Variants in FBXO8 observed in about 807,000 individuals in gnomAD.
FBXO8 encodes the protein F-box protein 8.
Under a neutral mutation model 33.4 loss-of-function variants are expected in FBXO8, and 15 were observed. The ratio of observed to expected loss-of-function variants is 0.45; its 90% CI spans 0.30 to 0.69. The LOEUF is 0.69. FBXO8 is among the 30% of genes least tolerant of loss of function. The pLI, the probability that FBXO8 is intolerant of heterozygous loss-of-function variation, is 0.08. For missense variants in FBXO8, 274 were observed against 380.3 expected (o/e 0.72, Z 2.32); for synonymous variants, 132 against 131.5 (o/e 1.00, Z -0.02).
intron 3 of FBXO8, among the ~76,000 whole-genome samples, chr4:174,248,217 G>C (rs1452824056): frequency 6.6e-6 from 1 of 151,902 alleles, no homozygotes; most frequent in Non-Finnish European, 1.5e-5. Flanking sequence ...CTGACCTTGA[G>C]CACATACATA....
chr4:174,275,904 A>G lies in FBXO8; in HGVS notation c.-9+7506T>C, dbSNP rs1430973233. 6.6e-6 allele frequency among the ~76,000 whole-genome samples: 1 copy of G among 152,218 alleles called. No homozygotes were observed. Among genetic ancestry groups the G allele is most frequent in the Non-Finnish European group, 1.5e-5 (1 of 68,020 alleles). ...CACTTACATAGGATATATAAACAACAGAGTAAGGTACAAATGCAAAAAGGA... is the reference window on the plus strand; with the variant it reads ...CACTTACATAGGATATATAAACAACGGAGTAAGGTACAAATGCAAAAAGGA... On this transcript the variant is annotated intron_variant, in intron 1 of 5. Coordinates refer to ENST00000393674, the MANE Select transcript of FBXO8 (RefSeq NM_012180.3). This position sits in a 1 kb window ranked among gnomAD's most constrained non-coding sequence, Gnocchi z 4.4.
In FBXO8 at chr4:174,283,538, T is replaced by A. The variant is rs1737199953; in HGVS notation, c.-137A>T. On this transcript the variant is annotated 5_prime_UTR_variant, in exon 1 of 6. In the 5' UTR this introduces an upstream ATG that the reference lacks. Coordinates refer to ENST00000393674, the MANE Select transcript of FBXO8 (RefSeq NM_012180.3). The surrounding 1 kb of genome is among the most constrained non-coding windows in gnomAD (Gnocchi z 6.7). ...ATGGAGAAGCTGATTCAAACTTTAC[T>A]TGTCCACACCGGTAGAGGTGACCGC... The A allele has an allele frequency of 1.5e-5, 3 of 199,526 alleles. No homozygotes were observed. Among genetic ancestry groups the A allele is most frequent in the African/African-American group, 2.3e-5 (1 of 43,428 alleles). 12.4% of individuals were successfully genotyped at this position (199,526 alleles called of 1,614,324 possible).
At position 174,252,194 on chromosome 4, in the gene FBXO8, C is replaced by T. The variant is rs542878108; in HGVS notation, c.456+7505G>A. Among the ~76,000 whole-genome samples, 2 of 152,212 alleles carry T rather than the reference C, an allele frequency of 1.3e-5. No individual in the cohort carries two copies. The highest frequency in any genetic ancestry group is 4.8e-5 in the African/African-American group (2 of 41,522). On this transcript the variant is annotated intron_variant, in intron 3 of 5. Transcript: ENST00000393674. The surrounding 1 kb of genome is among the most constrained non-coding windows in gnomAD (Gnocchi z 5.1). ...ATGTTGCCTGGGCTGGTCTCAAACT[C>T]CTGAGCTCAAGTTATCCACCCACCT...
intron 5 of FBXO8, among the ~76,000 whole-genome samples, chr4:174,238,143 C>T (rs932760955): frequency 4.6e-5 from 7 of 151,862 alleles, no homozygotes; most frequent in African/African-American, 1.4e-4. Flanking sequence ...TTAATATTCT[C>T]ATTTAAGATG....
At chr4:174,271,418 A>G (rs1736836450) in intron 1 of FBXO8, among the ~76,000 whole-genome samples, 1 of 152,162 alleles carries the variant, frequency 6.6e-6, no homozygotes, top group Admixed American at 6.5e-5. Flanking sequence ...TTCCCTACAC[A>G]ATAAGAATAA....
In FBXO8 at chr4:174,237,457, C is replaced by T. The variant is rs1435848222; in HGVS notation, c.915G>A (p.Gly305=). 6.2e-7 allele frequency: 1 copy of T among 1,613,566 alleles called. No individual in the cohort carries two copies. The highest frequency in any genetic ancestry group is 2.2e-5 in the East Asian group (1 of 44,860). ...AAQNISEDFV[G]HLYDNIYLIG... ...TAAGGTAGATATTGTCATAAAGATG[C>T]CCTACAAAATCTTCACTAATATTTT... is the stretch of plus-strand genomic sequence containing the variant. The change falls in exon 6 of 6, where the codon GGG becomes GGA. Residue 305 remains glycine (G), a synonymous_variant. Coordinates refer to ENST00000393674, the MANE Select transcript of FBXO8 (RefSeq NM_012180.3). This position sits in a 1 kb window ranked among gnomAD's most constrained non-coding sequence, Gnocchi z 4.4.
Position 174,241,945 on chromosome 4 carries a change from A to C in FBXO8, c.457-727T>G, listed in dbSNP as rs1348879383. 2.0e-5 allele frequency among the ~76,000 whole-genome samples: 3 copies of C among 151,584 alleles called. No homozygotes were observed. The highest frequency in any genetic ancestry group is 7.2e-5 in the African/African-American group (3 of 41,390). ...ATAAGTTTTTACCTACTTTAGATTT[A>C]AACCACCACCAACAAAACACCACCA... On this transcript the variant is annotated intron_variant, in intron 3 of 5. Transcript: ENST00000393674. The surrounding 1 kb of genome is among the most constrained non-coding windows in gnomAD (Gnocchi z 4.2).
chr4:174,275,406 C>T lies in FBXO8; in HGVS notation c.-9+8004G>A, dbSNP rs1286966872. Among the ~76,000 whole-genome samples, 1 of 152,010 alleles carries T rather than the reference C, an allele frequency of 6.6e-6. No homozygotes were observed. The highest frequency in any genetic ancestry group is 1.5e-5 in the Non-Finnish European group (1 of 68,002). On this transcript the variant is annotated intron_variant, in intron 1 of 5. Transcript: ENST00000393674. This position sits in a 1 kb window ranked among gnomAD's most constrained non-coding sequence, Gnocchi z 4.4. ...GGGGGATTGTATCAATGTCAAAATC[C>T]TGGTTTTGATAGTATATTATAGTTA...
chr4:174,246,315 T>C (rs183204280), intron 3 of FBXO8, among the ~76,000 whole-genome samples: 1 of 152,116 alleles, frequency 6.6e-6, no homozygotes, highest in East Asian at 1.9e-4. Context: ...AAAATCTCAG[T>C]GGGCTAAGTG....
At position 174,257,903 on chromosome 4, in the gene FBXO8, T is replaced by C. The variant is rs192973413; in HGVS notation, c.456+1796A>G. Among the ~76,000 whole-genome samples the C allele has an allele frequency of 1.3e-5, 2 of 152,130 alleles. No homozygotes were observed. The highest frequency in any genetic ancestry group is 4.2e-4 in the South Asian group (2 of 4,810). On this transcript the variant is annotated intron_variant, in intron 3 of 5. Coordinates refer to ENST00000393674, the MANE Select transcript of FBXO8 (RefSeq NM_012180.3). The surrounding 1 kb of genome is among the most constrained non-coding windows in gnomAD (Gnocchi z 4.3). ...CAATGCCTAGCTAATTTTTTAAAAA[T>C]TTTTTGTGGAGACAGGACCTCCCTA...
intron 1 of FBXO8, among the ~76,000 whole-genome samples, chr4:174,273,763 TG>T (rs1319364305): frequency 2.0e-5 from 3 of 152,234 alleles, no homozygotes; most frequent in African/African-American, 7.2e-5. Flanking sequence ...ACAATTTTTT[TG>T]TAACTACAAA....
Position 174,237,338 on chromosome 4 carries a change from T to G in FBXO8, c.*74A>C. On this transcript the variant is annotated 3_prime_UTR_variant, in exon 6 of 6. Coordinates refer to ENST00000393674, the MANE Select transcript of FBXO8 (RefSeq NM_012180.3). The surrounding 1 kb of genome is among the most constrained non-coding windows in gnomAD (Gnocchi z 4.4). ...CAGGCTACAATGACCAGCACTGATG[T>G]AACCCCCATATCTGCTAAGTCCTTG... The G allele has an allele frequency of 7.8e-7, 1 of 1,279,380 alleles. No homozygotes were observed. Among genetic ancestry groups the G allele is most frequent in the Non-Finnish European group, 1.1e-6 (1 of 903,674 alleles). The allele number at this position is 1,279,380 out of a possible 1,614,324, so 79.3% of individuals were successfully genotyped here. A position where few individuals can be genotyped will look rare whatever the true frequency, so the allele number is the denominator to read the frequency against.
intron 1 of FBXO8, among the ~76,000 whole-genome samples, chr4:174,279,612 A>T (rs1392667340): frequency 6.6e-6 from 1 of 152,178 alleles, no homozygotes; most frequent in African/African-American, 2.4e-5. Context: ...TTACAAAGCT[A>T]CAGTAACCAA....
chr4:174,238,849 A>T, intron 5 of FBXO8, 145 bp downstream of exon 5: 1 of 499,234 alleles, frequency 2.0e-6, no homozygotes, highest in Non-Finnish European at 3.4e-6. Flanking sequence ...ATGATGAAGT[A>T]GTCAGTCACT....
chr4:174,276,474 G>C (rs1430921608), intron 1 of FBXO8, among the ~76,000 whole-genome samples: 1 of 152,144 alleles, frequency 6.6e-6, no homozygotes, highest in East Asian at 1.9e-4. Context: ...CTGACTATGT[G>C]ATCCGCCTGC....
In FBXO8 at chr4:174,245,230, G is replaced by C. The variant is rs981007428; in HGVS notation, c.457-4012C>G. On this transcript the variant is annotated intron_variant, in intron 3 of 5. Transcript: ENST00000393674. The surrounding 1 kb of genome is among the most constrained non-coding windows in gnomAD (Gnocchi z 4.6). ...GTGCCAAGGTACATCAATAATACAT[G>C]GCAGTAGAAGAAAACCTAAATGAAT... is the stretch of plus-strand genomic sequence containing the variant. Among the ~76,000 whole-genome samples the C allele has an allele frequency of 6.6e-6, 1 of 151,706 alleles. No homozygotes were observed. The highest frequency in any genetic ancestry group is 1.5e-5 in the Non-Finnish European group (1 of 67,798).
rs1378589124 is a variant in FBXO8, at chr4:174,239,048, G to A, written c.718C>T (p.His240Tyr). 6.2e-7 allele frequency: 1 copy of A among 1,605,306 alleles called. No homozygotes were observed. Among genetic ancestry groups the A allele is most frequent in the Admixed American group, 1.7e-5 (1 of 59,254 alleles). The change falls in exon 5 of 6, where the codon CAT becomes TAT. Residue 240 changes from histidine to tyrosine, a missense_variant. Physicochemically the swap from His to Tyr is moderately conservative, Grantham distance 83. Around this residue, in one of 2 missense-constraint regions of FBXO8, gnomAD observed 186 missense variants for 293.4 expected, o/e 0.63. Coordinates refer to ENST00000393674, the MANE Select transcript of FBXO8 (RefSeq NM_012180.3). ...TCAGGGTTGCAAGCACAGAATCTATGTGAGAACTTTGTTATAAGAGTTTCA... is the reference window on the plus strand; with the variant it reads ...TCAGGGTTGCAAGCACAGAATCTATATGAGAACTTTGTTATAAGAGTTTCA... ...YLETLITKFS[H>Y]RFCACNPDLM...
At position 174,241,255 on chromosome 4, in the gene FBXO8, CTCTT is replaced by C; in HGVS notation, c.457-41_457-38del. 7.8e-7 allele frequency: 1 copy of C among 1,275,124 alleles called. No homozygotes were observed. Among genetic ancestry groups the C allele is most frequent in the Non-Finnish European group, 1.1e-6 (1 of 894,040 alleles). 79.0% of individuals were successfully genotyped at this position (1,275,124 alleles called of 1,614,324 possible). A position where few individuals can be genotyped will look rare whatever the true frequency, so the allele number is the denominator to read the frequency against. ...AGACAAGTCTACATAAATAAAATTG[CTCTT>C]TATTTATGCATTTTAACAATTAAGC... On this transcript the variant is annotated intron_variant, in intron 3 of 5. Transcript: ENST00000393674. The surrounding 1 kb of genome is among the most constrained non-coding windows in gnomAD (Gnocchi z 4.2).
rs1457630929 is a variant in FBXO8 at position 174,283,632 on chromosome 4, C to G, written c.-231G>C. 4 of 360,174 alleles carry G rather than the reference C, an allele frequency of 1.1e-5. No individual in the cohort carries two copies. The highest frequency in any genetic ancestry group is 2.0e-5 in the Non-Finnish European group (4 of 202,620). The allele number at this position is 360,174 out of a possible 1,614,324, so 22.3% of individuals were successfully genotyped here. ...GTACCTCCAGCTGCAGGGGCCAGAA[C>G]TGCCGACTATCCCAATTTTGACGTT... On this transcript the variant is annotated 5_prime_UTR_variant, in exon 1 of 6. Transcript: ENST00000393674. This position sits in a 1 kb window ranked among gnomAD's most constrained non-coding sequence, Gnocchi z 6.7.
Sources: allele counts gnomAD v4.1 joint callset (sites outside exome capture counted in the v4.1 genomes callset), GRCh38; gene constraint gnomAD v4.1.1; regional missense constraint gnomAD v4.1.1; non-coding constraint Gnocchi (gnomAD v3.1); transcripts MANE v1.5; gene names NCBI Gene and HGNC (gene_info 2026-07-23, HGNC 2026-07-21).